Variants in RANBP2 observed in about 807,000 individuals in gnomAD.
RANBP2 encodes the protein E3 SUMO-protein ligase RanBP2.
RANBP2 carries 57 observed loss-of-function variants against 303.6 expected under a neutral mutation model. The ratio of observed to expected loss-of-function variants is 0.19; its 90% confidence interval spans 0.15 to 0.23. RANBP2 has a LOEUF of 0.23. Among genes scored for constraint, RANBP2 ranks in the 10% least tolerant of loss-of-function variants. The pLI is 1.00. For missense variants in RANBP2, 3,138 were observed against 3,780.8 expected, an observed-to-expected ratio of 0.83 and a Z score of 4.46; for synonymous variants, 1,167 against 1,301.5, an observed-to-expected ratio of 0.90 and a Z score of 2.23.
At chr2:109,528,285 C>A in the RANBP2 span, among the ~76,000 whole-genome samples, 1 of 152,246 alleles carries the variant, frequency 6.6e-6, no homozygotes, top group Non-Finnish European at 1.5e-5. Context: ...CTGACCACCC[C>A]ACAGGCCCCA....
the RANBP2 span, among the ~76,000 whole-genome samples, chr2:109,380,520 C>A: frequency 6.6e-6 from 1 of 152,228 alleles, no homozygotes; most frequent in African/African-American, 2.4e-5. Context: ...GGGAAGCTTG[C>A]AGCAGTTCTT....
the RANBP2 span, among the ~76,000 whole-genome samples, chr2:109,481,733 C>T: frequency 1.4e-4 from 21 of 152,262 alleles, no homozygotes; most frequent in African/African-American, 3.6e-4. Flanking sequence ...TAAGTGCAGA[C>T]GCTGTGCTGT....
chr2:108,860,398 C>T, the RANBP2 span, among the ~76,000 whole-genome samples: 1 of 151,990 alleles, frequency 6.6e-6, no homozygotes, highest in Non-Finnish European at 1.5e-5. Context: ...AGTGGACATA[C>T]CTGTTGTGTT....
chr2:109,592,192 T>C, the RANBP2 span, among the ~76,000 whole-genome samples: 1 of 151,818 alleles, frequency 6.6e-6, no homozygotes, highest in Non-Finnish European at 1.5e-5. Flanking sequence ...CGGCCGGGCG[T>C]GGTGGCTCAC....
the RANBP2 span, among the ~76,000 whole-genome samples, chr2:109,535,772 C>T: frequency 1.3e-5 from 2 of 152,150 alleles, no homozygotes; most frequent in African/African-American, 4.8e-5. Context: ...TATGTGGCAG[C>T]AGGAGCCTGA....
the RANBP2 span, among the ~76,000 whole-genome samples, chr2:109,004,831 A>T: frequency 3.3e-5 from 5 of 152,166 alleles, no homozygotes; most frequent in East Asian, 9.7e-4. Context: ...AAAACTCACC[A>T]TCTTCTCCCA....
the RANBP2 span, among the ~76,000 whole-genome samples, chr2:109,220,287 A>C: frequency 6.6e-6 from 1 of 152,232 alleles, no homozygotes; most frequent in African/African-American, 2.4e-5. Flanking sequence ...AAATGGGTTA[A>C]AGATCTCAAC....
the RANBP2 span, among the ~76,000 whole-genome samples, chr2:109,625,087 C>CAAAAAAAAAAA: frequency 3.3e-4 from 20 of 60,020 alleles, no homozygotes; most frequent in South Asian, 6.6e-4. Context: ...ACAACAACAA[C>CAAAAAAAAAAA]AAAAAAAAAA....
At chr2:109,614,029 G>C in the RANBP2 span, 1 of 1,207,508 alleles carries the variant, frequency 8.3e-7, no homozygotes, top group Non-Finnish European at 1.0e-6. Context: ...CCTGTGGTGC[G>C]CGCTGAGCGT....
rs982527700 is a variant in RANBP2 at position 108,783,985 on chromosome 2, C to T, written c.*84C>T. The T allele has an allele frequency of 3.0e-6, 4 of 1,339,050 alleles. No individual in the cohort carries two copies. Among genetic ancestry groups the T allele is most frequent in the Non-Finnish European group, 4.1e-6 (4 of 966,266 alleles). 82.9% of individuals were successfully genotyped at this position (1,339,050 alleles called of 1,614,324 possible). ...ATTACAATTTGATAGTTATGTTCAG[C>T]TTTTGAAAATGGACGTTTCCGATTT... On this transcript the variant is annotated 3_prime_UTR_variant, in exon 29 of 29. Coordinates refer to ENST00000283195, the MANE Select transcript of RANBP2 (RefSeq NM_006267.5).
downstream of RANBP2, chr2:108,786,763 G>C (rs1036252266): frequency 7.5e-6 from 11 of 1,474,372 alleles, no homozygotes; most frequent in Admixed American, 1.8e-4. Context: ...CTGCGGCCGC[G>C]TAGCGCCGCG....
At chr2:108,823,977 A>G in the RANBP2 span, among the ~76,000 whole-genome samples, 1 of 151,198 alleles carries the variant, frequency 6.6e-6, no homozygotes, top group African/African-American at 2.4e-5. Flanking sequence ...ACTGTCTCAA[A>G]AGAAAAAAAA....
the RANBP2 span, among the ~76,000 whole-genome samples, chr2:109,170,244 T>TTTCTCTTCTC: frequency 0.011 from 362 of 32,830 alleles, 4 homozygotes; most frequent in Middle Eastern, 0.016. Flanking sequence ...CTTCTTTTCT[T>TTTCTCTTCTC]TTCTCTTCTC....
chr2:108,996,069 C>T, the RANBP2 span, among the ~76,000 whole-genome samples: 10 of 152,296 alleles, frequency 6.6e-5, no homozygotes, highest in Admixed American at 2.6e-4. Context: ...GCTTTCATAT[C>T]AGTTCTGCTG....
At chr2:109,163,650 C>T in the RANBP2 span, among the ~76,000 whole-genome samples, 8 of 151,954 alleles carry the variant, frequency 5.3e-5, no homozygotes, top group Non-Finnish European at 8.8e-5. Flanking sequence ...CCGCCCGCCT[C>T]GGCCTCCCAA....
the RANBP2 span, among the ~76,000 whole-genome samples, chr2:109,363,520 A>G: frequency 6.6e-6 from 1 of 152,208 alleles, no homozygotes; most frequent in East Asian, 1.9e-4. Context: ...TAGCAAAAAT[A>G]AAAGTTTTAA....
chr2:109,682,238 G>A, the RANBP2 span, among the ~76,000 whole-genome samples: 1 of 152,360 alleles, frequency 6.6e-6, no homozygotes, highest in Non-Finnish European at 1.5e-5. Flanking sequence ...CAGTAAAGTT[G>A]CTGGATAGAA....
At chr2:109,704,017 A>T in the RANBP2 span, among the ~76,000 whole-genome samples, 1 of 152,174 alleles carries the variant, frequency 6.6e-6, no homozygotes, top group African/African-American at 2.4e-5. Flanking sequence ...ACACTGAGGG[A>T]GACTACCTAG....
the RANBP2 span, among the ~76,000 whole-genome samples, chr2:109,424,746 C>T: frequency 0.023 from 3,549 of 152,260 alleles, 52 homozygotes; most frequent in Middle Eastern, 0.058. Flanking sequence ...GACGGCTCCA[C>T]GGACCCACCG....
Sources: gnomAD v4.1 joint callset for allele counts (sites outside exome capture counted in the v4.1 genomes callset) on GRCh38, gnomAD v4.1.1 for gene constraint, MANE v1.5 for transcripts, NCBI Gene and HGNC (gene_info 2026-07-23, HGNC 2026-07-21) for gene names.